The following ST3GAL3 variants were observed in gnomAD, a reference collection of about 807,000 sequenced individuals.
The protein encoded by ST3GAL3 is CMP-N-acetylneuraminate-beta-1,4-galactoside alpha-2,3-sialyltransferase.
A neutral mutation model predicts 50.1 loss-of-function variants in ST3GAL3; 21 were observed. The ratio of observed to expected loss-of-function variants is 0.42; its 90% CI spans 0.30 to 0.60. The LOEUF is 0.60. Among genes scored for constraint, ST3GAL3 ranks in the 20% least tolerant of loss-of-function variants. The probability of loss-of-function intolerance (pLI) is 0.19; values close to 1 mark genes in which losing one functional copy is unlikely to be tolerated. For synonymous variants in ST3GAL3, 183 were observed against 190.0 expected (o/e 0.96, Z 0.30); for missense variants, 353 against 489.4 (o/e 0.72, Z 2.63).
At chr1:43,839,572 TC>T in intron 5 of ST3GAL3, 1 of 152,356 alleles carries the variant, frequency 6.6e-6, no homozygotes, top group East Asian at 1.9e-4. Context: ...CCAGACTCCT[TC>T]CCCAGAGACA....
intron 2 of ST3GAL3, among the ~76,000 whole-genome samples, chr1:43,771,217 T>C (rs1201754123): frequency 6.6e-6 from 1 of 152,240 alleles, no homozygotes; most frequent in African/African-American, 2.4e-5. Flanking sequence ...ATGTATTTTA[T>C]ATTCAAATTG....
chr1:43,864,367 A>C (rs1370163080), intron 5 of ST3GAL3, among the ~76,000 whole-genome samples: 1 of 152,204 alleles, frequency 6.6e-6, no homozygotes, highest in East Asian at 1.9e-4. Context: ...TGCTCTGATA[A>C]GGGCCCCTAA....
intron 4 of ST3GAL3, among the ~76,000 whole-genome samples, chr1:43,834,207 A>G (rs1031120839): frequency 2.6e-5 from 4 of 152,094 alleles, no homozygotes; most frequent in African/African-American, 9.7e-5. Context: ...CAACTGTCCT[A>G]TCTCTACTGC....
chr1:43,918,257 A>G (rs1328755423), intron 9 of ST3GAL3, among the ~76,000 whole-genome samples: 1 of 151,518 alleles, frequency 6.6e-6, no homozygotes, highest in Non-Finnish European at 1.5e-5. Context: ...GCGTGAGACT[A>G]CAGGCACACG....
chr1:43,879,212 A>G (rs1410358861), intron 5 of ST3GAL3: 1 of 450,158 alleles, frequency 2.2e-6, no homozygotes, highest in Admixed American at 2.4e-5. Flanking sequence ...AAAGGCTTGT[A>G]TTTAAGGACT....
intron 5 of ST3GAL3, among the ~76,000 whole-genome samples, chr1:43,845,911 T>C (rs1371520644): frequency 6.6e-6 from 1 of 152,224 alleles, no homozygotes; most frequent in Admixed American, 6.5e-5. Context: ...TCTTTGGAAG[T>C]GTTTTTGCTT....
intron 1 of ST3GAL3, among the ~76,000 whole-genome samples, chr1:43,730,561 T>C (rs960638221): frequency 6.8e-6 from 1 of 147,766 alleles, no homozygotes; most frequent in Non-Finnish European, 1.5e-5. Context: ...TTCTTTCTTT[T>C]CTTTTCTTTC....
chr1:43,896,056 C>T lies in ST3GAL3; in HGVS notation c.397+1579C>T, dbSNP rs150927379. Among the ~76,000 whole-genome samples, 34 of 152,286 alleles carry T rather than the reference C, an allele frequency of 2.2e-4. No homozygotes were observed. The East Asian group carries it at 3.7e-3, about 16-fold the overall frequency. The stretch of plus-strand genomic sequence containing the variant: ...ATCTGTTGCCTTTCCTAAAGCCCAC[C>T]GTAAGGTATATCTGAAGGCACTTAG... On this transcript the variant is annotated intron_variant, in intron 6 of 11. Transcript: ENST00000347631.
intron 4 of ST3GAL3, among the ~76,000 whole-genome samples, chr1:43,822,712 CACA>C (rs1189218812): frequency 6.6e-6 from 1 of 152,118 alleles, no homozygotes; most frequent in African/African-American, 2.4e-5. Flanking sequence ...TACCTGTTCC[CACA>C]ACATTTGCTT....
intron 9 of ST3GAL3, among the ~76,000 whole-genome samples, chr1:43,905,935 T>C (rs1477092686): frequency 0.012 from 323 of 27,108 alleles, no homozygotes; most frequent in Middle Eastern, 0.024. Flanking sequence ...CTCTTCCCCC[T>C]CCTCCTCCTG....
intron 5 of ST3GAL3, among the ~76,000 whole-genome samples, chr1:43,892,013 A>G (rs2527778): frequency 0.96 from 146,258 of 152,188 alleles, 70,556 homozygotes; most frequent in East Asian, 1. Context: ...GCGTGATCTC[A>G]GCTCACTGCA....
At chr1:43,710,895 T>G (rs999975548) in intron 1 of ST3GAL3, among the ~76,000 whole-genome samples, 3 of 152,236 alleles carry the variant, frequency 2.0e-5, no homozygotes, top group Admixed American at 1.3e-4. Context: ...TAAATCCTGC[T>G]TCTACCCACA....
At chr1:43,842,457 T>G (rs949146892) in intron 5 of ST3GAL3, 2 of 152,222 alleles carry the variant, frequency 1.3e-5, no homozygotes, top group Non-Finnish European at 2.9e-5. Context: ...CCACTCTTCC[T>G]GCAGAACTGT....
At chr1:43,748,191 A>C (rs1402761572) in intron 2 of ST3GAL3, among the ~76,000 whole-genome samples, 1 of 152,176 alleles carries the variant, frequency 6.6e-6, no homozygotes, top group East Asian at 1.9e-4. Context: ...GTTTCTATAT[A>C]CTGGAAGCAC....
chr1:43,741,067 C>T (rs1177051031), intron 2 of ST3GAL3, among the ~76,000 whole-genome samples: 3 of 152,068 alleles, frequency 2.0e-5, no homozygotes, highest in Non-Finnish European at 2.9e-5. Context: ...TGGCTCATGC[C>T]TATAATCTCA....
intron 4 of ST3GAL3, among the ~76,000 whole-genome samples, chr1:43,819,507 G>T (rs967418519): frequency 6.6e-6 from 1 of 152,108 alleles, no homozygotes; most frequent in African/African-American, 2.4e-5. Context: ...CAGGTGAAAG[G>T]TTGGCTTTGG....
chr1:43,832,819 G>A (rs2154193170), intron 4 of ST3GAL3, among the ~76,000 whole-genome samples: 1 of 152,266 alleles, frequency 6.6e-6, no homozygotes, highest in South Asian at 2.1e-4. Context: ...CAACTCTCTA[G>A]TACTTGGAGA....
intron 5 of ST3GAL3, among the ~76,000 whole-genome samples, chr1:43,848,861 T>C (rs1045083657): frequency 7.9e-5 from 12 of 152,180 alleles, no homozygotes; most frequent in African/African-American, 2.9e-4. Context: ...TCTGCTTCAT[T>C]TTGGATAGTT....
chr1:43,914,004 G>C lies in ST3GAL3; in HGVS notation c.745-6400G>C, dbSNP rs541559346. On this transcript the variant is annotated intron_variant, in intron 9 of 11. Transcript: ENST00000347631. Reference sequence around the variant, plus strand: ...GAATTTTCACCTCACACCAGTAATCGTGACACACTCAGTATCCTCAAATCT... The same window carrying C: ...GAATTTTCACCTCACACCAGTAATCCTGACACACTCAGTATCCTCAAATCT... 7.2e-5 allele frequency: 11 copies of C among 152,250 alleles called. No individual in the cohort carries two copies. In the East Asian group the frequency reaches 1.7e-3, roughly 24 times the overall value. 9.4% of individuals were successfully genotyped at this position (152,250 alleles called of 1,614,324 possible).
Sources: gnomAD v4.1 joint callset for allele counts (sites outside exome capture counted in the v4.1 genomes callset) on GRCh38, gnomAD v4.1.1 for gene constraint, MANE v1.5 for transcripts, NCBI Gene and HGNC (gene_info 2026-07-23, HGNC 2026-07-21) for gene names.